Variants in ABCC12 observed in about 807,000 individuals in gnomAD.
ABCC12 encodes ATP binding cassette subfamily C member 12.
ABCC12 carries 142 observed loss-of-function variants against 151.1 expected under a neutral mutation model. The observed-to-expected ratio is 0.94, with a 90% CI of 0.82 to 1.08. The LOEUF is 1.08. Ranked by LOEUF, ABCC12 falls within the 50% of genes least tolerant of loss-of-function variation. The pLI, the probability that ABCC12 is intolerant of heterozygous loss-of-function variation, is 0.00. For missense variants in ABCC12, 1,638 were observed against 1,691.1 expected, an observed-to-expected ratio of 0.97 and a Z score of 0.55; for synonymous variants, 645 against 646.4, an observed-to-expected ratio of 1.00 and a Z score of 0.03.
At chr16:48,129,673 T>A (rs1476608641) in intron 10 of ABCC12, among the ~76,000 whole-genome samples, 1 of 152,170 alleles carries the variant, frequency 6.6e-6, no homozygotes, top group Non-Finnish European at 1.5e-5. Context: ...GGTTGAGTGC[T>A]ATACGGACTT....
At chr16:48,148,981 C>T (rs147115862) in intron 2 of ABCC12, among the ~76,000 whole-genome samples, 6 of 151,802 alleles carry the variant, frequency 4.0e-5, no homozygotes, top group South Asian at 4.2e-4. Flanking sequence ...ATGTTTAATA[C>T]GTATTTGTTG....
Position 48,092,144 on chromosome 16 carries a change from G to C in ABCC12, c.3196-935C>G, listed in dbSNP as rs574700911. ...GGCCCTGCCAACACCTTGAGTGCGGGCATCTGACTCCACAACAGTGAAAGA... is the reference window on the plus strand; with the variant it reads ...GGCCCTGCCAACACCTTGAGTGCGGCCATCTGACTCCACAACAGTGAAAGA... On this transcript the variant is annotated intron_variant, in intron 24 of 30. Transcript: ENST00000311303. Among the ~76,000 whole-genome samples, 3 of 152,336 alleles carry C rather than the reference G, an allele frequency of 2.0e-5. No individual in the cohort carries two copies. In the East Asian group the frequency reaches 5.8e-4, roughly 29 times the overall value.
intron 19 of ABCC12, among the ~76,000 whole-genome samples, chr16:48,108,218 AAG>A: frequency 6.6e-6 from 1 of 152,190 alleles, no homozygotes; most frequent in Non-Finnish European, 1.5e-5. Context: ...ACTCCAATAA[AAG>A]AGAGTCTGGC....
intron 25 of ABCC12, among the ~76,000 whole-genome samples, chr16:48,089,265 T>G (rs1962775515): frequency 6.6e-6 from 1 of 152,162 alleles, no homozygotes; most frequent in Admixed American, 6.5e-5. Context: ...CCTGTGGGCC[T>G]GGGAAAATGT....
chr16:48,151,067 A>G (rs747650156), intron 2 of ABCC12, among the ~76,000 whole-genome samples: 1 of 152,162 alleles, frequency 6.6e-6, no homozygotes, highest in South Asian at 2.1e-4. Flanking sequence ...TTCCAAGAGT[A>G]TAGTACCATA....
At chr16:48,146,669 A>G (rs1455242019) in intron 2 of ABCC12, 195 bp from the exon 3 acceptor site, 3 of 444,768 alleles carry the variant, frequency 6.7e-6, no homozygotes, top group Non-Finnish European at 8.0e-6. Context: ...AGGCTTTCTT[A>G]TTAGTAGGAC....
In ABCC12 at chr16:48,082,759, C is replaced by T. The variant is rs946251800; in HGVS notation, c.*956G>A. On this transcript the variant is annotated 3_prime_UTR_variant, in exon 31 of 31. Coordinates refer to ENST00000311303, the MANE Select transcript of ABCC12 (RefSeq NM_001393797.1). Reference sequence around the variant, plus strand: ...CCTGATGAATGAAAAACAGCCAGAACTCCCAGCGTGCCCCTTGGCGGCTAC... The same window carrying T: ...CCTGATGAATGAAAAACAGCCAGAATTCCCAGCGTGCCCCTTGGCGGCTAC... Among the ~76,000 whole-genome samples, 2 of 152,232 alleles carry T rather than the reference C, an allele frequency of 1.3e-5. No homozygotes were observed. The highest frequency in any genetic ancestry group is 2.9e-5 in the Non-Finnish European group (2 of 68,042).
At chr16:48,100,293 T>C (rs879382812) in intron 23 of ABCC12, among the ~76,000 whole-genome samples, 1 of 152,170 alleles carries the variant, frequency 6.6e-6, no homozygotes, top group African/African-American at 2.4e-5. Context: ...TTTTAGAAGT[T>C]TGAAGCTGGA....
chr16:48,133,806 C>A lies in ABCC12; in HGVS notation c.1009G>T (p.Glu337Ter). 1 of 1,614,072 alleles carries A rather than the reference C, an allele frequency of 6.2e-7. No individual in the cohort carries two copies. The highest frequency in any genetic ancestry group is 8.5e-7 in the Non-Finnish European group (1 of 1,180,012). Residue 337 changes from glutamate (E) to a stop codon, truncating the protein, a stop_gained, in exon 9 of 31, where the codon GAA (glutamate) becomes TAA (stop). Transcript: ENST00000311303. LOFTEE classifies it high-confidence loss of function. ...DIRRRERKLL[E>*]KAGFVQSGNS... ...CCACTTTGGACAAATCCAGCTTTTT[C>A]CAGTAATTTTCTTTCCCTCCTTCTT...
chr16:48,118,045 T>C (rs1416354323), intron 13 of ABCC12, among the ~76,000 whole-genome samples: 4 of 152,100 alleles, frequency 2.6e-5, no homozygotes, highest in Non-Finnish European at 5.9e-5. Context: ...GCCCAGGCTT[T>C]GGGGAGTTTG....
At chr16:48,136,404 C>T (rs1172254212) in intron 8 of ABCC12, among the ~76,000 whole-genome samples, 1 of 152,180 alleles carries the variant, frequency 6.6e-6, no homozygotes, top group East Asian at 1.9e-4. Flanking sequence ...TGGAGCATCT[C>T]TGTTTCTCTT....
chr16:48,144,399 T>G lies in ABCC12; in HGVS notation c.120-334A>C, dbSNP rs557420701. Among the ~76,000 whole-genome samples the G allele has an allele frequency of 5.3e-5, 8 of 152,202 alleles. No homozygotes were observed. In the East Asian group the frequency reaches 1.3e-3, roughly 26 times the overall value. On this transcript the variant is annotated intron_variant, in intron 3 of 30. Coordinates refer to ENST00000311303, the MANE Select transcript of ABCC12 (RefSeq NM_001393797.1). ...TTTTTGTTCTTCTTCCTTCATTTCTTCTTCCCCTCCTCTTCCTTCTTTTTT... is the reference window on the plus strand; with the variant it reads ...TTTTTGTTCTTCTTCCTTCATTTCTGCTTCCCCTCCTCTTCCTTCTTTTTT...
At chr16:48,124,137 C>T (rs1003681775) in intron 12 of ABCC12, 76 bp downstream of exon 12, 106 of 1,492,602 alleles carry the variant, frequency 7.1e-5, no homozygotes, top group Middle Eastern at 1.7e-4. Flanking sequence ...TCTGCTGGGT[C>T]CACGCCTGAC....
At position 48,140,807 on chromosome 16, in the gene ABCC12, AAAG is replaced by A; in HGVS notation, c.534_536del (p.Phe179del). 6.2e-7 allele frequency: 1 copy of A among 1,614,196 alleles called. No homozygotes were observed. The highest frequency in any genetic ancestry group is 8.5e-7 in the Non-Finnish European group (1 of 1,180,032). ...AGTTGATGGCCCAGGCAAGGGCCCA[AAAG>A]AAGACTTTGGTAAACTCGGTGGCAA... On this transcript the variant is annotated inframe_deletion, in exon 6 of 31. Transcript: ENST00000311303.
intron 25 of ABCC12, 121 bp downstream of exon 25, chr16:48,090,999 C>A (rs751816706): frequency 5.2e-6 from 5 of 964,304 alleles, no homozygotes; most frequent in Admixed American, 1.8e-5. Flanking sequence ...GCGTAAGCCA[C>A]CACGCCCGGC....
chr16:48,117,569 G>A (rs1209453935), intron 13 of ABCC12, among the ~76,000 whole-genome samples: 5 of 152,190 alleles, frequency 3.3e-5, no homozygotes, highest in African/African-American at 1.2e-4. Context: ...CCCCTTCCCT[G>A]GCAGGGTTTT....
chr16:48,088,901 G>A (rs1962754322), intron 25 of ABCC12, among the ~76,000 whole-genome samples, 167 bp from the exon 26 acceptor site: 1 of 152,058 alleles, frequency 6.6e-6, no homozygotes, highest in Admixed American at 6.5e-5. Context: ...GGGGATGTCA[G>A]ATAATAAACA....
chr16:48,107,001 C>T (rs528239865), intron 20 of ABCC12, among the ~76,000 whole-genome samples: 95 of 152,194 alleles, frequency 6.2e-4, no homozygotes, highest in Non-Finnish European at 1.2e-3. Flanking sequence ...TTAGGCTTTC[C>T]TGGAGGAAAC....
intron 23 of ABCC12, among the ~76,000 whole-genome samples, chr16:48,100,382 T>C (rs376949125): frequency 5.9e-5 from 9 of 152,316 alleles, no homozygotes; most frequent in African/African-American, 2.2e-4. Flanking sequence ...AGGTGGCCTT[T>C]AGAAATTATT....
Sources: gnomAD v4.1 joint callset for allele counts (sites outside exome capture counted in the v4.1 genomes callset) on GRCh38, gnomAD v4.1.1 for gene constraint, MANE v1.5 for transcripts, NCBI Gene and HGNC (gene_info 2026-07-23, HGNC 2026-07-21) for gene names.